The following AP3M2 variants were observed in gnomAD, a reference collection of about 807,000 sequenced individuals.
The protein encoded by AP3M2 is AP-3 complex subunit mu-2.
A neutral mutation model predicts 41.6 loss-of-function variants in AP3M2; 28 were observed. That is an observed-to-expected ratio of 0.67 (90% CI 0.50 to 0.92). The LOEUF (loss-of-function observed/expected upper bound fraction) is 0.92. Ranked by LOEUF, AP3M2 falls within the 40% of genes least tolerant of loss-of-function variation. AP3M2 has a pLI of 0.00. For synonymous variants in AP3M2, 193 were observed against 186.4 expected, an observed-to-expected ratio of 1.04 and a Z score of -0.29; for missense variants, 427 against 521.4, an observed-to-expected ratio of 0.82 and a Z score of 1.76.
intron 3 of AP3M2, among the ~76,000 whole-genome samples, chr8:42,160,700 T>C (rs1804484870): frequency 6.6e-6 from 1 of 152,232 alleles, no homozygotes. Context: ...CCTAGCACCA[T>C]TGTGTAATTT....
At chr8:42,155,091 C>T in intron 2 of AP3M2, 131 bp downstream of exon 2, 2 of 741,064 alleles carry the variant, frequency 2.7e-6, no homozygotes, top group Non-Finnish European at 4.4e-6. Context: ...CACTTCCTCT[C>T]CCATCTGATA....
intron 8 of AP3M2, 30 bp from the exon 9 acceptor site, chr8:42,168,931 G>A (rs779018932): frequency 2.0e-6 from 3 of 1,525,446 alleles, no homozygotes; most frequent in South Asian, 2.4e-5. Context: ...TAATACTCAT[G>A]TCTATTTTCC....
At chr8:42,159,309 T>C (rs1587913948) in intron 3 of AP3M2, among the ~76,000 whole-genome samples, 1 of 152,356 alleles carries the variant, frequency 6.6e-6, no homozygotes, top group Middle Eastern at 3.4e-3. Context: ...AGTACTGTAA[T>C]GTGTTGCTCT....
chr8:42,155,688 T>C (rs1804335206), intron 2 of AP3M2: 1 of 203,818 alleles, frequency 4.9e-6, no homozygotes, highest in Non-Finnish European at 1.0e-5. Context: ...AGGAACTTTC[T>C]CCCAAAAGAA....
chr8:42,165,496 A>G lies in AP3M2; in HGVS notation c.739A>G (p.Ile247Val). 2 of 1,614,120 alleles carry G rather than the reference A, an allele frequency of 1.2e-6. No individual in the cohort carries two copies. Among genetic ancestry groups the G allele is most frequent in the Non-Finnish European group, 1.7e-6 (2 of 1,180,000 alleles). ...TTTCAAACGCTGGGAATCTGAGCGCATCCTCTCCTTCATCCCTCCTGATGG... is the reference window on the plus strand; with the variant it reads ...TTTCAAACGCTGGGAATCTGAGCGCGTCCTCTCCTTCATCCCTCCTGATGG... ...VRFKRWESER[I>V]LSFIPPDGNF... is the part of the protein sequence containing the mutation. The change falls in exon 6 of 9, where the codon ATC becomes GTC. Residue 247 changes from isoleucine (I) to valine (V), a missense_variant. By Grantham distance (29) the Ile-to-Val change is conservative. Coordinates refer to ENST00000396926, the MANE Select transcript of AP3M2 (RefSeq NM_006803.4).
intron 4 of AP3M2, 78 bp downstream of exon 4, chr8:42,162,496 T>A (rs1804532189): frequency 1.3e-6 from 2 of 1,492,826 alleles, no homozygotes; most frequent in Non-Finnish European, 1.8e-6. Flanking sequence ...AGTTTCAGAA[T>A]TAACCCCCAT....
chr8:42,155,968 A>G (rs1804343427), intron 2 of AP3M2: 1 of 455,970 alleles, frequency 2.2e-6, no homozygotes, highest in Non-Finnish European at 4.4e-6. Context: ...TTTCCCTGCA[A>G]TACTCTGTAG....
chr8:42,167,719 G>A lies in AP3M2; in HGVS notation c.1065G>A (p.Lys355=). 6.2e-7 allele frequency: 1 copy of A among 1,613,896 alleles called. No individual in the cohort carries two copies. The highest frequency in any genetic ancestry group is 1.6e-4 in the Middle Eastern group (1 of 6,062). The change falls in exon 8 of 9, where the codon AAG becomes AAA. Residue 355 remains lysine (K), a synonymous_variant. Coordinates refer to ENST00000396926, the MANE Select transcript of AP3M2 (RefSeq NM_006803.4). The stretch of plus-strand genomic sequence containing the variant: ...ATCCACAAAAGCTACCAAGTTTGAA[G>A]GGGACCATGAGTCTTCAGGCTGGAG... ...KINPQKLPSL[K]GTMSLQAGAS...
In AP3M2 at chr8:42,154,563, TGGG is replaced by T. The variant is rs1804302902; in HGVS notation, c.-72-51_-72-49del. 4.3e-6 allele frequency: 6 copies of T among 1,395,846 alleles called. No individual in the cohort carries two copies. The African/African-American group carries it at 7.2e-5, about 17-fold the overall frequency. The allele number at this position is 1,395,846 out of a possible 1,614,324, so 86.5% of individuals were successfully genotyped here. On this transcript the variant is annotated intron_variant, in intron 1 of 8. Coordinates refer to ENST00000396926, the MANE Select transcript of AP3M2 (RefSeq NM_006803.4). Reference sequence around the variant, plus strand: ...TAAGTCTTGGACTGTTGGGAAAAGATGGGGAGGGCCTTTTGGTTGAATGGAACT... The same window carrying T: ...TAAGTCTTGGACTGTTGGGAAAAGATGAGGGCCTTTTGGTTGAATGGAACT...
intron 8 of AP3M2, 77 bp downstream of exon 8, chr8:42,167,887 C>T (rs1260420867): frequency 6.6e-7 from 1 of 1,505,930 alleles, no homozygotes. Flanking sequence ...CACCAGGAAG[C>T]CTTTCTGGGC....
intron 3 of AP3M2, among the ~76,000 whole-genome samples, chr8:42,159,928 G>C (rs1804465169): frequency 6.6e-6 from 1 of 152,166 alleles, no homozygotes; most frequent in African/African-American, 2.4e-5. Flanking sequence ...AGTTTGTATA[G>C]TACACAAGAC....
At chr8:42,162,943 CAAAAAA>C (rs67923954) in intron 4 of AP3M2, among the ~76,000 whole-genome samples, 36 of 54,214 alleles carry the variant, frequency 6.6e-4, no homozygotes, top group African/African-American at 1.8e-3. Context: ...GACCCTGTCT[CAAAAAA>C]AAAAAAAAAA....
chr8:42,154,865 T>C lies in AP3M2; in HGVS notation c.178T>C (p.Tyr60His). ...PTPHHYLLSVYRHKIFFVAVI... is the reference protein window; with the variant it reads ...PTPHHYLLSVHRHKIFFVAVI... ...CCCTCACCACTATCTCTTAAGTGTT[T>C]ACCGCCACAAGATCTTTTTTGTGGC... The change falls in exon 2 of 9, where the codon TAC becomes CAC. Residue 60 changes from tyrosine (Y) to histidine (H), a missense_variant. Coordinates refer to ENST00000396926, the MANE Select transcript of AP3M2 (RefSeq NM_006803.4). The C allele has an allele frequency of 6.2e-7, 1 of 1,614,184 alleles. No individual in the cohort carries two copies. The highest frequency in any genetic ancestry group is 8.5e-7 in the Non-Finnish European group (1 of 1,180,034).
At position 42,167,310 on chromosome 8, in the gene AP3M2, G is replaced by C; in HGVS notation, c.950G>C (p.Gly317Ala). ...ACTGTCACCAGCCAGATGCCCAAGG[G>C]GGTCCTGAACATGAGCCTTACTCCA... ...GVTVTSQMPK[G>A]VLNMSLTPSQ... Residue 317 changes from glycine to alanine, a missense_variant, in exon 7 of 9, where the codon GGG becomes GCG. Gly to Ala is a moderately conservative substitution (Grantham distance 60, BLOSUM62 0). Transcript: ENST00000396926. The C allele has an allele frequency of 6.2e-7, 1 of 1,614,140 alleles. No homozygotes were observed. The highest frequency in any genetic ancestry group is 1.1e-5 in the South Asian group (1 of 91,078).
At chr8:42,159,126 T>C (rs1040331263) in intron 3 of AP3M2, among the ~76,000 whole-genome samples, 2 of 152,202 alleles carry the variant, frequency 1.3e-5, no homozygotes, top group Non-Finnish European at 2.9e-5. Flanking sequence ...TTTTCTTCCA[T>C]GTGGAGTGGA....
chr8:42,156,214 T>C (rs1302388242), intron 2 of AP3M2, among the ~76,000 whole-genome samples: 6 of 152,170 alleles, frequency 3.9e-5, no homozygotes, highest in Admixed American at 3.3e-4. Flanking sequence ...ATGTAACTTA[T>C]TACAAGACAG....
chr8:42,165,313 CTG>C (rs150897190), intron 5 of AP3M2, 112 bp from the exon 6 acceptor site: 5,301 of 1,349,288 alleles, frequency 3.9e-3, no homozygotes, highest in Non-Finnish European at 4.5e-3. Flanking sequence ...TACATGATTT[CTG>C]TGTGTGTGTG....
chr8:42,167,577 T>G, intron 7 of AP3M2, 89 bp from the exon 8 acceptor site: 1 of 1,495,376 alleles, frequency 6.7e-7, no homozygotes, highest in Non-Finnish European at 9.0e-7. Flanking sequence ...ACAGGTGCCC[T>G]GAGTTTAGAT....
chr8:42,167,781 A>C lies in AP3M2; in HGVS notation c.1127A>C (p.Gln376Pro). The change falls in exon 8 of 9, where the codon CAG (glutamine) becomes CCG (proline). Residue 376 changes from glutamine (Q) to proline (P), a missense_variant. Around this residue, in one of 3 missense-constraint regions of AP3M2, gnomAD observed 237 missense variants for 284.9 expected, o/e 0.83. Coordinates refer to ENST00000396926, the MANE Select transcript of AP3M2 (RefSeq NM_006803.4). ...KPDENPTINL[Q>P]FKIQQLAISG... ...GATGAAAACCCCACAATTAACCTGCAGTTTAAGATCCAGCAGCTGGCCATT... is the reference window on the plus strand; with the variant it reads ...GATGAAAACCCCACAATTAACCTGCCGTTTAAGATCCAGCAGCTGGCCATT... 1 of 1,613,970 alleles carries C rather than the reference A, an allele frequency of 6.2e-7. No homozygotes were observed. Among genetic ancestry groups the C allele is most frequent in the Non-Finnish European group, 8.5e-7 (1 of 1,179,960 alleles).
Sources: allele counts gnomAD v4.1 joint callset (sites outside exome capture counted in the v4.1 genomes callset), GRCh38; gene constraint gnomAD v4.1.1; regional missense constraint gnomAD v4.1.1; transcripts MANE v1.5; gene names NCBI Gene and HGNC (gene_info 2026-07-23, HGNC 2026-07-21).